Variants in MBD3 observed in about 807,000 individuals in gnomAD.
MBD3 encodes methyl-CpG binding domain protein 3.
In MBD3, 13 loss-of-function variants were observed where a neutral mutation model predicts 31.2. The ratio of observed to expected loss-of-function variants is 0.42; its 90% CI spans 0.27 to 0.66. The LOEUF (loss-of-function observed/expected upper bound fraction) is 0.66. Ranked by LOEUF, MBD3 falls within the 30% of genes least tolerant of loss-of-function variation. The pLI is 0.26. For synonymous variants in MBD3, 223 were observed against 187.4 expected, an observed-to-expected ratio of 1.19 and a Z score of -1.55; for missense variants, 440 against 426.5, an observed-to-expected ratio of 1.03 and a Z score of -0.28.
intron 3 of MBD3, among the ~76,000 whole-genome samples, chr19:1,584,056 C>T (rs2060665984): frequency 6.6e-6 from 1 of 151,932 alleles, no homozygotes; most frequent in Admixed American, 6.6e-5. Context: ...CTCCTGACCT[C>T]TCAGGTGATC....
chr19:1,592,392 A>C lies in MBD3; in HGVS notation c.110+130T>G, dbSNP rs533277934. 1.5e-3 allele frequency: 327 copies of C among 214,514 alleles called. 1 individual carries two copies. The highest frequency in any genetic ancestry group is 2.5e-3 in the Non-Finnish European group (278 of 113,086). 13.3% of individuals were successfully genotyped at this position (214,514 alleles called of 1,614,324 possible). On this transcript the variant is annotated intron_variant, in intron 1 of 6. Transcript: ENST00000434436. ...CGCGCGCCGGGCGCACACGCACGCA[A>C]GACGCACGCACGCACGCACGACGCA...
intron 1 of MBD3, among the ~76,000 whole-genome samples, chr19:1,587,168 T>C (rs2145606250): frequency 6.6e-6 from 1 of 151,836 alleles, no homozygotes; most frequent in East Asian, 1.9e-4. Context: ...GGTTTCACAG[T>C]GTTAGCCAGG....
intron 1 of MBD3, among the ~76,000 whole-genome samples, chr19:1,587,958 G>A (rs1019840274): frequency 6.6e-6 from 1 of 152,226 alleles, no homozygotes; most frequent in African/African-American, 2.4e-5. Flanking sequence ...GCAGATGCCA[G>A]ATGTCAGACA....
Position 1,585,616 on chromosome 19 carries a change from G to GT in MBD3, c.111-403dup, listed in dbSNP as rs1251215874. 2.2e-5 allele frequency: 6 copies of GT among 277,722 alleles called. No individual in the cohort carries two copies. Among genetic ancestry groups the GT allele is most frequent in the African/African-American group, 1.4e-4 (6 of 44,304 alleles). 17.2% of individuals were successfully genotyped at this position (277,722 alleles called of 1,614,324 possible). On this transcript the variant is annotated intron_variant, in intron 1 of 6. Coordinates refer to ENST00000434436, the MANE Select transcript of MBD3 (RefSeq NM_001281453.2). The surrounding 1 kb of genome is among the most constrained non-coding windows in gnomAD (Gnocchi z 4.1). ...CAGGCACAGCAGACGCTGAGTTCGG[G>GT]TACAAACGCTACTACCTACAGGGCT...
intron 1 of MBD3, 141 bp downstream of exon 1, chr19:1,592,381 A>ACACGCACGCAAGACG (rs1555700959): frequency 1.6e-4 from 31 of 196,780 alleles, no homozygotes; most frequent in South Asian, 5.4e-4. Context: ...CGCCGGGCGC[A>ACACGCACGCAAGACG]CACGCACGCA....
intron 1 of MBD3, 46 bp downstream of exon 1, chr19:1,592,476 T>C (rs766712263): frequency 7.2e-6 from 8 of 1,109,562 alleles, no homozygotes; most frequent in Admixed American, 5.3e-5. Flanking sequence ...CAGAGGCCGC[T>C]GGGAGGAGCC....
chr19:1,575,201 G>A lies in MBD3; in HGVS notation c.*2963C>T, dbSNP rs1227088554. 9.2e-6 allele frequency: 4 copies of A among 434,156 alleles called. No homozygotes were observed. The highest frequency in any genetic ancestry group is 4.1e-4 in the Middle Eastern group (1 of 2,422). 26.9% of individuals were successfully genotyped at this position (434,156 alleles called of 1,614,324 possible). ...TCCCGGCAATTTGGGAAGCTGGGGC[G>A]GGCGGATCACCTGAGGTTAGGAGTT... On this transcript the variant is annotated 3_prime_UTR_variant, in exon 7 of 7. Transcript: ENST00000434436.
At chr19:1,591,403 C>G (rs1008947087) in intron 1 of MBD3, among the ~76,000 whole-genome samples, 1 of 152,208 alleles carries the variant, frequency 6.6e-6, no homozygotes, top group Non-Finnish European at 1.5e-5. Context: ...CTCCCCAAAC[C>G]GGGACAGTCA....
Position 1,585,132 on chromosome 19 carries a change from G to A in MBD3, c.193C>T (p.Arg65Cys). Residue 65 changes from arginine to cysteine, a missense_variant, in exon 2 of 7, where the codon CGC (arginine) becomes TGC (cysteine). By Grantham distance (180) the Arg-to-Cys change is radical. Coordinates refer to ENST00000434436, the MANE Select transcript of MBD3 (RefSeq NM_001281453.2). The surrounding 1 kb of genome is among the most constrained non-coding windows in gnomAD (Gnocchi z 4.1). ...GSMDLSTFDF[R>C]TGKMLMSKMN... ...TTGCTCATCAGCATCTTGCCCGTGCGGAAGTCGAAGGTGCTCAGGTCCATG... is the reference window on the plus strand; with the variant it reads ...TTGCTCATCAGCATCTTGCCCGTGCAGAAGTCGAAGGTGCTCAGGTCCATG... 6.2e-7 allele frequency: 1 copy of A among 1,612,020 alleles called. No individual in the cohort carries two copies. Among genetic ancestry groups the A allele is most frequent in the Non-Finnish European group, 8.5e-7 (1 of 1,179,498 alleles).
chr19:1,591,278 C>T (rs949801933), intron 1 of MBD3, among the ~76,000 whole-genome samples: 1 of 152,226 alleles, frequency 6.6e-6, no homozygotes, highest in Non-Finnish European at 1.5e-5. Context: ...TTTCCCCTCT[C>T]TTGCTGTCCT....
At position 1,592,793 on chromosome 19, in the gene MBD3, C is replaced by T. The variant is rs1280545916; in HGVS notation, c.-162G>A. ...CCCTCCGCCCCCAGCCGGGCGCGCG[C>T]CGGCTTTGCCGCCCTTTCGGCCCCC... is the stretch of plus-strand genomic sequence containing the variant. On this transcript the variant is annotated 5_prime_UTR_variant, in exon 1 of 7. Coordinates refer to ENST00000434436, the MANE Select transcript of MBD3 (RefSeq NM_001281453.2). The T allele has an allele frequency of 2.7e-5, 4 of 149,530 alleles. No individual in the cohort carries two copies. Among genetic ancestry groups the T allele is most frequent in the Non-Finnish European group, 4.4e-5 (3 of 68,566 alleles). The allele number at this position is 149,530 out of a possible 1,614,324, so 9.3% of individuals were successfully genotyped here.
chr19:1,584,205 C>T (rs1344487079), intron 3 of MBD3, among the ~76,000 whole-genome samples: 1 of 151,810 alleles, frequency 6.6e-6, no homozygotes, highest in Non-Finnish European at 1.5e-5. Context: ...ATCCTGGCAC[C>T]AATACCCTGC....
At position 1,578,483 on chromosome 19, in the gene MBD3, CCAT is replaced by C. The variant is rs1290583458; in HGVS notation, c.730_732del (p.Met244del). On this transcript the variant is annotated inframe_deletion, in exon 6 of 7. Transcript: ENST00000434436. This position sits in a 1 kb window ranked among gnomAD's most constrained non-coding sequence, Gnocchi z 6.1. Reference sequence around the variant, plus strand: ...TCCTCCACGTGCGCCAGCATGTCGGCCATCAGCGCCTCCTCCAGCCGCTTCCGC... The same window carrying C: ...TCCTCCACGTGCGCCAGCATGTCGGCCAGCGCCTCCTCCAGCCGCTTCCGC... The C allele has an allele frequency of 3.7e-6, 6 of 1,611,042 alleles. No homozygotes were observed. The highest frequency in any genetic ancestry group is 5.1e-6 in the Non-Finnish European group (6 of 1,179,916).
Position 1,578,766 on chromosome 19 carries a change from C to T in MBD3, c.678-228G>A, listed in dbSNP as rs1240756150. Among the ~76,000 whole-genome samples the T allele has an allele frequency of 6.6e-6, 1 of 152,194 alleles. No individual in the cohort carries two copies. The highest frequency in any genetic ancestry group is 1.9e-4 in the East Asian group (1 of 5,174). On this transcript the variant is annotated intron_variant, in intron 5 of 6. Transcript: ENST00000434436. The surrounding 1 kb of genome is among the most constrained non-coding windows in gnomAD (Gnocchi z 6.1). The stretch of plus-strand genomic sequence containing the variant: ...GCCACCCTCCCAGATGGCCCCCCTG[C>T]CACCTCTACTGGGACCAAGGGAGGG...
In MBD3 at chr19:1,578,140, C is replaced by G. The variant is rs907052199; in HGVS notation, c.*24G>C. The G allele has an allele frequency of 1.2e-6, 1 of 831,670 alleles. No individual in the cohort carries two copies. The highest frequency in any genetic ancestry group is 2.7e-5 in the East Asian group (1 of 37,710). The allele number at this position is 831,670 out of a possible 1,614,324, so 51.5% of individuals were successfully genotyped here. ...CTGCAGGCGGCTCCAGCAGGCAGCACGGGCTCTCGGCAGGGCCTCTGGAAA... is the reference window on the plus strand; with the variant it reads ...CTGCAGGCGGCTCCAGCAGGCAGCAGGGGCTCTCGGCAGGGCCTCTGGAAA... On this transcript the variant is annotated 3_prime_UTR_variant, in exon 7 of 7. Transcript: ENST00000434436. The surrounding 1 kb of genome is among the most constrained non-coding windows in gnomAD (Gnocchi z 6.1).
chr19:1,592,666 CG>C lies in MBD3; in HGVS notation c.-36del. The C allele has an allele frequency of 1.0e-6, 1 of 953,018 alleles. No homozygotes were observed. Among genetic ancestry groups the C allele is most frequent in the Non-Finnish European group, 1.3e-6 (1 of 741,054 alleles). The allele number at this position is 953,018 out of a possible 1,614,324, so 59.0% of individuals were successfully genotyped here. A position where few individuals can be genotyped will look rare whatever the true frequency, so the allele number is the denominator to read the frequency against. On this transcript the variant is annotated 5_prime_UTR_variant, in exon 1 of 7. Coordinates refer to ENST00000434436, the MANE Select transcript of MBD3 (RefSeq NM_001281453.2). The stretch of plus-strand genomic sequence containing the variant: ...CTCCTCGGCCCGCCGCCGGGCCCGC[CG>C]CCGCCGCCCGGACCCCCACTCGCCG...
Position 1,585,339 on chromosome 19 carries a change from C to T in MBD3, c.111-125G>A. ...TCGCGACCCCAGCCCCAGACCCCAA[C>T]ACGGCCCTGACCCCAAACCCAGGCA... On this transcript the variant is annotated intron_variant, in intron 1 of 6. Coordinates refer to ENST00000434436, the MANE Select transcript of MBD3 (RefSeq NM_001281453.2). The surrounding 1 kb of genome is among the most constrained non-coding windows in gnomAD (Gnocchi z 4.1). The T allele has an allele frequency of 9.0e-7, 1 of 1,109,434 alleles. No homozygotes were observed. The highest frequency in any genetic ancestry group is 1.3e-6 in the Non-Finnish European group (1 of 782,746). The allele number at this position is 1,109,434 out of a possible 1,614,324, so 68.7% of individuals were successfully genotyped here.
chr19:1,578,258 C>A lies in MBD3; in HGVS notation c.*5+77G>T. 6.3e-7 allele frequency: 1 copy of A among 1,590,370 alleles called. No homozygotes were observed. Among genetic ancestry groups the A allele is most frequent in the South Asian group, 1.1e-5 (1 of 90,518 alleles). On this transcript the variant is annotated intron_variant, in intron 6 of 6. Coordinates refer to ENST00000434436, the MANE Select transcript of MBD3 (RefSeq NM_001281453.2). The surrounding 1 kb of genome is among the most constrained non-coding windows in gnomAD (Gnocchi z 6.1). ...AAGCTCTTGGGAGGCACCCGTCATC[C>A]CAAGCACATCTGTGTTCACCAGGCA... is the stretch of plus-strand genomic sequence containing the variant.
chr19:1,582,718 C>G lies in MBD3; in HGVS notation c.409-6G>C, dbSNP rs745925833. ...AGCTTCTTCTCCCAGAAGAGCTGCC[C>G]CAGACACATATGTGAACCTCAAGAG... On this transcript the variant is annotated splice_region_variant and splice_polypyrimidine_tract_variant and intron_variant, in intron 3 of 6. Coordinates refer to ENST00000434436, the MANE Select transcript of MBD3 (RefSeq NM_001281453.2). 1.2e-6 allele frequency: 2 copies of G among 1,612,414 alleles called. No individual in the cohort carries two copies. The highest frequency in any genetic ancestry group is 2.2e-5 in the East Asian group (1 of 44,858).
Sources: gnomAD v4.1 joint callset for allele counts (sites outside exome capture counted in the v4.1 genomes callset) on GRCh38, gnomAD v4.1.1 for gene constraint, Gnocchi (gnomAD v3.1) non-coding constraint, MANE v1.5 for transcripts, NCBI Gene and HGNC (gene_info 2026-07-23, HGNC 2026-07-21) for gene names.